SCLT1: variants seen among roughly 807,000 people sequenced by gnomAD.
The protein encoded by SCLT1 is sodium channel and clathrin linker 1.
SCLT1 carries 78 observed loss-of-function variants against 112.8 expected under a neutral mutation model. That is an observed-to-expected ratio of 0.69 (90% CI 0.58 to 0.83). SCLT1 has a LOEUF of 0.83. SCLT1 is among the 40% of genes least tolerant of loss of function. The probability of loss-of-function intolerance (pLI) is 0.00; values close to 1 mark genes in which losing one functional copy is unlikely to be tolerated. For synonymous variants in SCLT1, 257 were observed against 254.7 expected, an observed-to-expected ratio of 1.01 and a Z score of -0.09; for missense variants, 747 against 770.4, an observed-to-expected ratio of 0.97 and a Z score of 0.36.
chr4:129,030,206 T>A (rs192831265), intron 5 of SCLT1, among the ~76,000 whole-genome samples: 2 of 152,162 alleles, frequency 1.3e-5, no homozygotes, highest in Non-Finnish European at 2.9e-5. Context: ...TGTTCCTGAA[T>A]GACTACTGCG....
chr4:128,992,538 T>C (rs896925179), intron 8 of SCLT1, among the ~76,000 whole-genome samples: 6 of 151,974 alleles, frequency 3.9e-5, no homozygotes, highest in Non-Finnish European at 8.8e-5. Context: ...AGAACTAATG[T>C]TCCACCCTGT....
intron 14 of SCLT1, among the ~76,000 whole-genome samples, chr4:128,950,137 T>G (rs1469080734): frequency 6.6e-6 from 1 of 152,152 alleles, no homozygotes; most frequent in Non-Finnish European, 1.5e-5. Flanking sequence ...ATTCATATAG[T>G]AAGTTGCTTA....
intron 9 of SCLT1, among the ~76,000 whole-genome samples, chr4:128,974,722 T>A (rs1397041189): frequency 6.6e-6 from 1 of 152,130 alleles, no homozygotes; most frequent in African/African-American, 2.4e-5. Context: ...CTAATATTAT[T>A]TTATGAAGAA....
chr4:129,079,405 G>C (rs1751738798), intron 2 of SCLT1, among the ~76,000 whole-genome samples: 2 of 152,170 alleles, frequency 1.3e-5, no homozygotes, highest in South Asian at 4.1e-4. Context: ...CCAAAAGGGA[G>C]ACATTGATCA....
intron 18 of SCLT1, among the ~76,000 whole-genome samples, chr4:128,897,680 C>T (rs1412566458): frequency 2.6e-5 from 4 of 152,254 alleles, no homozygotes; most frequent in East Asian, 3.9e-4. Context: ...CAATATTAAT[C>T]TTAAATGTAA....
rs73847355 is a variant in SCLT1, at chr4:129,000,389, C to T, written c.427-595G>A. ...CAATATAGTGGGCTATTTTTACTTGCCATTTTATAATGATTTTATAATTAT... is the reference window on the plus strand; with the variant it reads ...CAATATAGTGGGCTATTTTTACTTGTCATTTTATAATGATTTTATAATTAT... On this transcript the variant is annotated intron_variant, in intron 6 of 20. Coordinates refer to ENST00000281142, the MANE Select transcript of SCLT1 (RefSeq NM_144643.4). Among the ~76,000 whole-genome samples the T allele has an allele frequency of 3.8e-3, 572 of 151,816 alleles. 1 individual carries two copies. The highest frequency in any genetic ancestry group is 0.011 in the African/African-American group (474 of 41,470).
intron 9 of SCLT1, among the ~76,000 whole-genome samples, chr4:128,978,471 A>C (rs1741376307): frequency 6.6e-6 from 1 of 152,152 alleles, no homozygotes; most frequent in Admixed American, 6.6e-5. Context: ...AAGCAACAAA[A>C]GTCAGAGAAG....
At chr4:129,065,476 A>C (rs1160223187) in intron 2 of SCLT1, among the ~76,000 whole-genome samples, 1 of 152,082 alleles carries the variant, frequency 6.6e-6, no homozygotes, top group Non-Finnish European at 1.5e-5. Context: ...CCTGACCATA[A>C]ATATTTGACT....
chr4:128,951,011 C>T (rs1738684981), intron 14 of SCLT1, among the ~76,000 whole-genome samples: 1 of 152,086 alleles, frequency 6.6e-6, no homozygotes, highest in Non-Finnish European at 1.5e-5. Flanking sequence ...AATCTGCACA[C>T]TCATCTAAAA....
intron 6 of SCLT1, 72 bp from the exon 7 acceptor site, chr4:128,999,866 T>G: frequency 1.0e-6 from 1 of 965,826 alleles, no homozygotes; most frequent in Admixed American, 2.7e-5. Flanking sequence ...TGGATCATTT[T>G]CTTTTATAGA....
Position 128,959,580 on chromosome 4 carries a change from A to G in SCLT1, c.1047+20T>C, listed in dbSNP as rs778996115. The G allele has an allele frequency of 8.2e-6, 13 of 1,585,824 alleles. No homozygotes were observed. Among genetic ancestry groups the G allele is most frequent in the Non-Finnish European group, 1.1e-5 (13 of 1,156,388 alleles). On this transcript the variant is annotated intron_variant, in intron 12 of 20. Coordinates refer to ENST00000281142, the MANE Select transcript of SCLT1 (RefSeq NM_144643.4). ...AGTCAACATTTTATTATATCTAAAC[A>G]TATTTACTAGCTTTCTTACCTGACT...
Position 128,960,125 on chromosome 4 carries a change from C to G in SCLT1, c.870-348G>C, listed in dbSNP as rs573629860. ...TACATGACAATGATATAAAGCAAAC[C>G]CTTAAGAAATGAGTTGTTCTTTACA... is the stretch of plus-strand genomic sequence containing the variant. On this transcript the variant is annotated intron_variant, in intron 11 of 20. Transcript: ENST00000281142. 5.6e-4 allele frequency among the ~76,000 whole-genome samples: 85 copies of G among 152,176 alleles called. 1 individual carries two copies. Among genetic ancestry groups the G allele is most frequent in the Non-Finnish European group, 1.1e-3 (74 of 67,976 alleles).
chr4:128,926,428 GA>G (rs1736305866), intron 18 of SCLT1, among the ~76,000 whole-genome samples: 1 of 152,012 alleles, frequency 6.6e-6, no homozygotes, highest in Non-Finnish European at 1.5e-5. Flanking sequence ...TAATGTTCTA[GA>G]AGAAAACACC....
intron 10 of SCLT1, among the ~76,000 whole-genome samples, chr4:128,966,303 T>C (rs934844217): frequency 6.6e-6 from 1 of 152,116 alleles, no homozygotes; most frequent in African/African-American, 2.4e-5. Flanking sequence ...CTTTTAGCTA[T>C]ATCTGTTTGA....
intron 8 of SCLT1, among the ~76,000 whole-genome samples, chr4:128,994,975 T>C (rs1742887347): frequency 6.6e-6 from 1 of 152,160 alleles, no homozygotes; most frequent in Non-Finnish European, 1.5e-5. Flanking sequence ...ATTCCATAGG[T>C]TGCCTTTTCA....
chr4:129,073,681 G>A (rs1233382198), intron 2 of SCLT1, among the ~76,000 whole-genome samples: 1 of 150,406 alleles, frequency 6.6e-6, no homozygotes, highest in Non-Finnish European at 1.5e-5. Flanking sequence ...ATTAGTTATA[G>A]ACCAATGAAT....
At chr4:128,974,383 T>A (rs1740962752) in intron 9 of SCLT1, among the ~76,000 whole-genome samples, 1 of 151,690 alleles carries the variant, frequency 6.6e-6, no homozygotes, top group Non-Finnish European at 1.5e-5. Context: ...CATAACTAGA[T>A]AGCCAGGCTA....
intron 10 of SCLT1, among the ~76,000 whole-genome samples, 156 bp from the exon 11 acceptor site, chr4:128,965,474 CAT>C (rs1560902581): frequency 1.3e-5 from 2 of 152,112 alleles, no homozygotes; most frequent in Admixed American, 6.5e-5. Flanking sequence ...GGAAACAAAT[CAT>C]GTGTATAATA....
intron 2 of SCLT1, among the ~76,000 whole-genome samples, chr4:129,075,922 G>A (rs1009030477): frequency 6.6e-6 from 1 of 152,104 alleles, no homozygotes; most frequent in Non-Finnish European, 1.5e-5. Context: ...TACAAGACAT[G>A]TCAAATTCTT....
Sources: allele counts gnomAD v4.1 joint callset (sites outside exome capture counted in the v4.1 genomes callset), GRCh38; gene constraint gnomAD v4.1.1; transcripts MANE v1.5; gene names NCBI Gene and HGNC (gene_info 2026-07-23, HGNC 2026-07-21).